Variants in ITK observed in about 807,000 individuals in gnomAD.
The protein encoded by ITK is tyrosine-protein kinase ITK/TSK.
A neutral mutation model predicts 87.6 loss-of-function variants in ITK; 45 were observed. That is an observed-to-expected ratio of 0.51 (90% CI 0.40 to 0.66). The LOEUF (loss-of-function observed/expected upper bound fraction) is 0.66, where lower values mean the gene tolerates loss of function less well. Among genes scored for constraint, ITK ranks in the 30% least tolerant of loss-of-function variants. The probability of loss-of-function intolerance (pLI) is 0.00; values close to 1 mark genes in which losing one functional copy is unlikely to be tolerated. For synonymous variants in ITK, 303 were observed against 273.6 expected, an observed-to-expected ratio of 1.11 and a Z score of -1.06; for missense variants, 605 against 766.3, an observed-to-expected ratio of 0.79 and a Z score of 2.48.
intron 2 of ITK, 38 bp downstream of exon 2, chr5:157,209,031 C>A: frequency 7.3e-7 from 1 of 1,373,394 alleles, no homozygotes; most frequent in Non-Finnish European, 1.0e-6. Context: ...ATTCCCTGGA[C>A]TGTGGTTAAA....
intron 1 of ITK, among the ~76,000 whole-genome samples, chr5:157,206,383 G>C (rs747826325): frequency 1.3e-5 from 2 of 152,154 alleles, no homozygotes; most frequent in African/African-American, 4.8e-5. Flanking sequence ...TTTGGTATCA[G>C]GATGATGCTG....
intron 8 of ITK, among the ~76,000 whole-genome samples, chr5:157,233,961 A>ATATATATATATATATATT (rs1754721767): frequency 3.5e-5 from 1 of 28,926 alleles, no homozygotes; most frequent in Non-Finnish European, 5.9e-5. Context: ...ATATATATAT[A>ATATATATATATATATATT]TATTTTTTTT....
At chr5:157,201,202 C>CA (rs770823132) in intron 1 of ITK, among the ~76,000 whole-genome samples, 1 of 150,598 alleles carries the variant, frequency 6.6e-6, no homozygotes, top group East Asian at 1.9e-4. Flanking sequence ...TTGAGTCTTG[C>CA]AAAAAGTCAT....
At chr5:157,231,546 A>G (rs941054279) in intron 7 of ITK, among the ~76,000 whole-genome samples, 3 of 152,210 alleles carry the variant, frequency 2.0e-5, no homozygotes, top group African/African-American at 7.2e-5. Flanking sequence ...CAAGTAGCCA[A>G]ACAAGTTTGT....
chr5:157,232,310 C>T (rs774727787), intron 7 of ITK, 30 bp from the exon 8 acceptor site: 2 of 1,496,358 alleles, frequency 1.3e-6, no homozygotes, highest in East Asian at 2.3e-5. Flanking sequence ...TAAAATATGT[C>T]ATTGACATAT....
chr5:157,225,298 T>C (rs1754509003), intron 6 of ITK, among the ~76,000 whole-genome samples: 2 of 152,306 alleles, frequency 1.3e-5, no homozygotes, highest in African/African-American at 4.8e-5. Flanking sequence ...ACCTGGCCTA[T>C]ATGTCACATT....
At position 157,248,891 on chromosome 5, in the gene ITK, T is replaced by C; in HGVS notation, c.1675T>C (p.Tyr559His). Residue 559 changes from tyrosine to histidine, a missense_variant, in exon 16 of 17, where the codon TAT (tyrosine) becomes CAT (histidine). Transcript: ENST00000422843. ...AGTTTTCAGTGAAGGCAAAATCCCGTATGAAAACCGAAGCAACTCAGAGGT... is the reference window on the plus strand; with the variant it reads ...AGTTTTCAGTGAAGGCAAAATCCCGCATGAAAACCGAAGCAACTCAGAGGT... ...WEVFSEGKIP[Y>H]ENRSNSEVVE... is the part of the protein sequence containing the mutation. 1 of 1,613,982 alleles carries C rather than the reference T, an allele frequency of 6.2e-7. No individual in the cohort carries two copies. Among genetic ancestry groups the C allele is most frequent in the Non-Finnish European group, 8.5e-7 (1 of 1,179,876 alleles).
At chr5:157,235,403 GTTTTTC>G (rs1353985349) in intron 8 of ITK, among the ~76,000 whole-genome samples, 1 of 152,100 alleles carries the variant, frequency 6.6e-6, no homozygotes, top group Non-Finnish European at 1.5e-5. Context: ...ATGGAACGTG[GTTTTTC>G]TTGTCTTTGA....
At chr5:157,201,848 A>C (rs563273114) in intron 1 of ITK, among the ~76,000 whole-genome samples, 2 of 152,298 alleles carry the variant, frequency 1.3e-5, no homozygotes, top group African/African-American at 4.8e-5. Context: ...AATTTTTTTA[A>C]CTTTTATTTT....
Position 157,228,308 on chromosome 5 carries a change from T to C in ITK, c.660T>C (p.Tyr220=). The change falls in exon 7 of 17, where the codon TAT becomes TAC. Residue 220 remains tyrosine, a synonymous_variant. Transcript: ENST00000422843. The part of the protein sequence containing the change: ...RVQDRNGHEG[Y]VPSSYLVEKS... ...TTCCTTTTAACAGGCATGAAGGATATGTACCAAGCAGTTATCTGGTGGAAA... is the reference window on the plus strand; with the variant it reads ...TTCCTTTTAACAGGCATGAAGGATACGTACCAAGCAGTTATCTGGTGGAAA... The C allele has an allele frequency of 1.3e-6, 2 of 1,597,652 alleles. No individual in the cohort carries two copies. Among genetic ancestry groups the C allele is most frequent in the Non-Finnish European group, 1.7e-6 (2 of 1,165,120 alleles).
chr5:157,252,175 T>A (rs1382810115), intron 16 of ITK, among the ~76,000 whole-genome samples: 1 of 152,250 alleles, frequency 6.6e-6, no homozygotes, highest in Non-Finnish European at 1.5e-5. Flanking sequence ...TTAGAATTTT[T>A]AATTTTTTCT....
intron 1 of ITK, among the ~76,000 whole-genome samples, chr5:157,202,401 A>G (rs1458393817): frequency 1.3e-5 from 2 of 152,146 alleles, no homozygotes; most frequent in South Asian, 2.1e-4. Context: ...TTTAGTAGAG[A>G]TGGGGTTTCA....
At chr5:157,219,029 G>T (rs2113758651) in intron 5 of ITK, among the ~76,000 whole-genome samples, 1 of 151,510 alleles carries the variant, frequency 6.6e-6, no homozygotes, top group African/African-American at 2.4e-5. Flanking sequence ...AAAAAAAAAA[G>T]ATGGGGGAAA....
chr5:157,189,499 G>A (rs549862914), intron 1 of ITK, among the ~76,000 whole-genome samples: 1 of 152,282 alleles, frequency 6.6e-6, no homozygotes, highest in Admixed American at 6.5e-5. Flanking sequence ...AGCCAACATG[G>A]CGAAACCCTA....
At position 157,232,539 on chromosome 5, in the gene ITK, A is replaced by G. The variant is rs933152744; in HGVS notation, c.768+145A>G. The G allele has an allele frequency of 7.8e-6, 4 of 511,394 alleles. No homozygotes were observed. The Admixed American group carries it at 9.8e-5, about 13-fold the overall frequency. The allele number at this position is 511,394 out of a possible 1,614,324, so 31.7% of individuals were successfully genotyped here. On this transcript the variant is annotated intron_variant, in intron 8 of 16. Transcript: ENST00000422843. ...CAAGGTTACAGTGAGCTATCATTGTACCACTGCACTTCAGCCTGGGCAAGA... is the reference window on the plus strand; with the variant it reads ...CAAGGTTACAGTGAGCTATCATTGTGCCACTGCACTTCAGCCTGGGCAAGA...
intron 1 of ITK, among the ~76,000 whole-genome samples, chr5:157,190,210 CT>C (rs2113738855): frequency 6.6e-6 from 1 of 152,140 alleles, no homozygotes; most frequent in African/African-American, 2.4e-5. Context: ...TTTTCCTTTT[CT>C]GATATTTAAA....
chr5:157,232,448 GTC>G lies in ITK; in HGVS notation c.768+57_768+58del, dbSNP rs1380359589. The G allele has an allele frequency of 3.3e-6, 4 of 1,215,594 alleles. No individual in the cohort carries two copies. In the East Asian group the frequency reaches 9.7e-5, roughly 30 times the overall value. 75.3% of individuals were successfully genotyped at this position (1,215,594 alleles called of 1,614,324 possible). A position where few individuals can be genotyped will look rare whatever the true frequency, so the allele number is the denominator to read the frequency against. On this transcript the variant is annotated intron_variant, in intron 8 of 16. Transcript: ENST00000422843. ...TAAAATAAAATGAATTAAGTGCACT[GTC>G]TCATGTCTGGAATCCCAGCGATTTG...
chr5:157,232,411 T>C lies in ITK; in HGVS notation c.768+17T>C, dbSNP rs757441899. 1.3e-5 allele frequency: 20 copies of C among 1,565,672 alleles called. No individual in the cohort carries two copies. Among genetic ancestry groups the C allele is most frequent in the Middle Eastern group, 1.8e-4 (1 of 5,552 alleles). On this transcript the variant is annotated intron_variant, in intron 8 of 16. Coordinates refer to ENST00000422843, the MANE Select transcript of ITK (RefSeq NM_005546.4). Reference sequence around the variant, plus strand: ...TTGGACACAGTAAGTCTCCTTAACCTGTCTTTTGACATAAAATAAAATGAA... The same window carrying C: ...TTGGACACAGTAAGTCTCCTTAACCCGTCTTTTGACATAAAATAAAATGAA...
Position 157,238,162 on chromosome 5 carries a change from C to A in ITK, c.822C>A (p.Thr274=), listed in dbSNP as rs200351890. The stretch of plus-strand genomic sequence containing the variant: ...ATTCCAGGACTGCAGGAACATACAC[C>A]GTGTCTGTTTTCACCAAGGCTGTTG... ...VRDSRTAGTY[T]VSVFTKAVVS... is the part of the protein sequence containing the mutation. The change falls in exon 9 of 17, where the codon ACC becomes ACA. Residue 274 remains threonine (T), a synonymous_variant. Coordinates refer to ENST00000422843, the MANE Select transcript of ITK (RefSeq NM_005546.4). 1 of 1,613,702 alleles carries A rather than the reference C, an allele frequency of 6.2e-7. No homozygotes were observed. Among genetic ancestry groups the A allele is most frequent in the Admixed American group, 1.7e-5 (1 of 60,018 alleles).
Sources: gnomAD v4.1 joint callset for allele counts (sites outside exome capture counted in the v4.1 genomes callset) on GRCh38, gnomAD v4.1.1 for gene constraint, MANE v1.5 for transcripts, NCBI Gene and HGNC (gene_info 2026-07-23, HGNC 2026-07-21) for gene names.